Variants in GSPT1 observed in about 807,000 individuals in gnomAD.
GSPT1 encodes the protein G1 to S phase transition 1, also known as eukaryotic peptide chain release factor GTP-binding subunit ERF3A.
In GSPT1, 20 loss-of-function variants were observed where a neutral mutation model predicts 72.5. The ratio of observed to expected loss-of-function variants is 0.28; its 90% CI spans 0.19 to 0.40. GSPT1 has a LOEUF of 0.40. Ranked by LOEUF, GSPT1 falls within the 10% of genes least tolerant of loss-of-function variation. The pLI is 1.00. For missense variants in GSPT1, 580 were observed against 811.9 expected, an observed-to-expected ratio of 0.71 and a Z score of 3.47; for synonymous variants, 334 against 293.5, an observed-to-expected ratio of 1.14 and a Z score of -1.41.
chr16:11,901,622 T>A (rs534420419), intron 1 of GSPT1, among the ~76,000 whole-genome samples: 38 of 146,906 alleles, frequency 2.6e-4, no homozygotes, highest in African/African-American at 8.1e-4. Flanking sequence ...CACACAAAAA[T>A]ATATATATAT....
chr16:11,879,130 C>T lies in GSPT1; in HGVS notation c.1429-1550G>A, dbSNP rs185687960. ...ATAAAAAAAAGGCCGGGCACAGTGG[C>T]TCACACCTGTAATCCCAGCACTTTG... is the stretch of plus-strand genomic sequence containing the variant. On this transcript the variant is annotated intron_variant, in intron 11 of 14. Transcript: ENST00000434724. Among the ~76,000 whole-genome samples, 12 of 150,764 alleles carry T rather than the reference C, an allele frequency of 8.0e-5. No individual in the cohort carries two copies. In the East Asian group the frequency reaches 2.0e-3, roughly 25 times the overall value.
At chr16:11,900,648 G>A (rs2054394703) in intron 1 of GSPT1, among the ~76,000 whole-genome samples, 1 of 152,114 alleles carries the variant, frequency 6.6e-6, no homozygotes, top group Non-Finnish European at 1.5e-5. Context: ...GAAAATCAGT[G>A]TACAAGTAAA....
chr16:11,883,911 CAAA>C (rs567658399), intron 10 of GSPT1, among the ~76,000 whole-genome samples: 7 of 92,062 alleles, frequency 7.6e-5, no homozygotes, highest in Admixed American at 1.2e-4. Flanking sequence ...GACTCCATCT[CAAA>C]AAAAAAAAAA....
At position 11,886,931 on chromosome 16, in the gene GSPT1, C is replaced by T. The variant is rs1177245922; in HGVS notation, c.958G>A (p.Val320Ile). 1 of 1,613,114 alleles carries T rather than the reference C, an allele frequency of 6.2e-7. No individual in the cohort carries two copies. Among genetic ancestry groups the T allele is most frequent in the Non-Finnish European group, 8.5e-7 (1 of 1,179,402 alleles). ...AACTCTCCTTTCCTGGCTGAGATTA[C>T]CTAATTCCAAGAAAGGAAACAGTTT... is the stretch of plus-strand genomic sequence containing the variant. ...GASQADLAVL[V>I]ISARKGEFET... The change falls in exon 8 of 15, where the codon GTA (valine) becomes ATA (isoleucine). Residue 320 changes from valine (V) to isoleucine (I), a missense_variant and splice_region_variant. Physicochemically the swap from Val to Ile is conservative, Grantham distance 29 (BLOSUM62 3). This residue lies in a region of GSPT1 where 3 missense variants were observed against 47.3 expected (regional missense o/e 0.06). Coordinates refer to ENST00000434724, the MANE Select transcript of GSPT1 (RefSeq NM_002094.4).
intron 1 of GSPT1, among the ~76,000 whole-genome samples, chr16:11,912,745 G>A (rs1408030696): frequency 6.6e-6 from 1 of 152,154 alleles, no homozygotes; most frequent in Non-Finnish European, 1.5e-5. Flanking sequence ...TATACATTAA[G>A]CCTTGTCTTC....
chr16:11,873,795 G>A (rs1258052022), intron 14 of GSPT1, among the ~76,000 whole-genome samples: 4 of 152,044 alleles, frequency 2.6e-5, no homozygotes, highest in Non-Finnish European at 5.9e-5. Flanking sequence ...CACCATGTTG[G>A]CCAGGCTGGT....
intron 1 of GSPT1, among the ~76,000 whole-genome samples, chr16:11,903,231 C>G (rs2054438942): frequency 6.6e-6 from 1 of 152,106 alleles, no homozygotes; most frequent in South Asian, 2.1e-4. Flanking sequence ...CAGTTTCAAG[C>G]CAGGCACGGT....
intron 5 of GSPT1, 89 bp downstream of exon 5, chr16:11,894,865 C>G: frequency 1.3e-6 from 1 of 771,008 alleles, no homozygotes; most frequent in African/African-American, 1.7e-5. Context: ...CCTGTTTTAT[C>G]TCCTTTGTGT....
In GSPT1 at chr16:11,915,512, T is replaced by A; in HGVS notation, c.209A>T (p.Asn70Ile). The change falls in exon 1 of 15, where the codon AAC becomes ATC. Residue 70 changes from asparagine (N) to isoleucine (I), a missense_variant. By Grantham distance (149) the Asn-to-Ile change is moderately radical. Around this residue, in one of 6 missense-constraint regions of GSPT1, gnomAD observed 327 missense variants for 298.8 expected, o/e 1.09. Transcript: ENST00000434724. ...GGGCACGAAGGGCTTGGCGTTGACG[T>A]TGAGTTGCCGGCTGAAGGCCGCGCT... Reference protein sequence around the residue: ...NLSAAFSRQLNVNAKPFVPNV... With the variant: ...NLSAAFSRQLIVNAKPFVPNV... The A allele has an allele frequency of 6.5e-7, 1 of 1,539,306 alleles. No homozygotes were observed. Among genetic ancestry groups the A allele is most frequent in the African/African-American group, 1.4e-5 (1 of 69,738 alleles).
chr16:11,896,917 G>T, intron 3 of GSPT1, 132 bp from the exon 4 acceptor site: 1 of 651,772 alleles, frequency 1.5e-6, no homozygotes, highest in Non-Finnish European at 2.6e-6. Context: ...TGACACATAA[G>T]CAGGAAAACC....
chr16:11,895,818 G>C (rs756593835), intron 4 of GSPT1, among the ~76,000 whole-genome samples: 2 of 152,136 alleles, frequency 1.3e-5, no homozygotes, highest in African/African-American at 4.8e-5. Flanking sequence ...GTAGAGACGG[G>C]GTTTCACCAT....
intron 10 of GSPT1, 98 bp downstream of exon 10, chr16:11,885,083 A>G (rs2054171598): frequency 1.5e-6 from 1 of 649,372 alleles, no homozygotes; most frequent in Admixed American, 2.6e-5. Flanking sequence ...AAAAACAAGA[A>G]AGAAAAGAAA....
intron 1 of GSPT1, among the ~76,000 whole-genome samples, chr16:11,905,929 T>C (rs2054483362): frequency 1.3e-5 from 2 of 152,190 alleles, no homozygotes; most frequent in South Asian, 4.1e-4. Flanking sequence ...GAATGAACTG[T>C]GGGTGGATGA....
intron 11 of GSPT1, among the ~76,000 whole-genome samples, chr16:11,879,738 C>CAAAAAAAAA (rs1195456490): frequency 1.2e-5 from 1 of 84,324 alleles, no homozygotes; most frequent in African/African-American, 4.0e-5. Context: ...GACTCCGTCT[C>CAAAAAAAAA]AAAAAAAAAA....
In GSPT1 at chr16:11,897,890, G is replaced by T. The variant is rs779138870; in HGVS notation, c.395-9C>A. 1.2e-5 allele frequency: 19 copies of T among 1,530,174 alleles called. No homozygotes were observed. In the Admixed American group the frequency reaches 2.1e-4, roughly 17 times the overall value. The allele number at this position is 1,530,174 out of a possible 1,614,324, so 94.8% of individuals were successfully genotyped here. ...AACAGCTGAATTTGAACCTAGACAA[G>T]AGATTGAAATATAATATATATTTAC... is the stretch of plus-strand genomic sequence containing the variant. On this transcript the variant is annotated splice_polypyrimidine_tract_variant and intron_variant, in intron 2 of 14. Transcript: ENST00000434724.
At chr16:11,905,798 A>G (rs1172231785) in intron 1 of GSPT1, among the ~76,000 whole-genome samples, 1 of 152,152 alleles carries the variant, frequency 6.6e-6, no homozygotes, top group Non-Finnish European at 1.5e-5. Flanking sequence ...TCACTGAGTC[A>G]CTGCACTCCA....
In GSPT1 at chr16:11,885,224, G is replaced by C; in HGVS notation, c.1304C>G (p.Ser435Ter). ...TGGCAGCCTGATTGGTCCATCAACT[G>C]ATCTATTGAAGTTCGGCAAATTATC... ...YLDNLPNFNR[S>*]VDGPIRLPIV... Residue 435 changes from serine (S) to a stop codon, truncating the protein, a stop_gained, in exon 10 of 15, where the codon TCA (serine) becomes TGA (stop). Transcript: ENST00000434724. LOFTEE classifies it high-confidence loss of function. 1 of 1,598,610 alleles carries C rather than the reference G, an allele frequency of 6.3e-7. No homozygotes were observed. Among genetic ancestry groups the C allele is most frequent in the Non-Finnish European group, 8.6e-7 (1 of 1,166,096 alleles).
intron 1 of GSPT1, among the ~76,000 whole-genome samples, chr16:11,912,691 A>T (rs925407032): frequency 6.6e-6 from 1 of 152,230 alleles, no homozygotes; most frequent in African/African-American, 2.4e-5. Flanking sequence ...CTAGGTGCAA[A>T]TTGCAACTTA....
At chr16:11,881,594 C>G (rs1252330416) in intron 11 of GSPT1, 2 of 147,886 alleles carry the variant, frequency 1.4e-5, no homozygotes, top group Non-Finnish European at 3.0e-5. Flanking sequence ...GTTAAGCAGT[C>G]ACTCCTTACT....
Sources: gnomAD v4.1 joint callset for allele counts (sites outside exome capture counted in the v4.1 genomes callset) on GRCh38, gnomAD v4.1.1 for gene constraint, gnomAD v4.1.1 regional missense constraint, MANE v1.5 for transcripts, NCBI Gene and HGNC (gene_info 2026-07-23, HGNC 2026-07-21) for gene names.